GRIK1: variants seen among roughly 807,000 people sequenced by gnomAD.
GRIK1 encodes the protein glutamate receptor ionotropic, kainate 1.
A neutral mutation model predicts 105.7 loss-of-function variants in GRIK1; 69 were observed. That is an observed-to-expected ratio of 0.65 (90% CI 0.54 to 0.80). The LOEUF (loss-of-function observed/expected upper bound fraction) is 0.80. Ranked by LOEUF, GRIK1 falls within the 30% of genes least tolerant of loss-of-function variation. The probability of loss-of-function intolerance (pLI) is 0.00; values close to 1 mark genes in which losing one functional copy is unlikely to be tolerated. For synonymous variants in GRIK1, 438 were observed against 431.3 expected, an observed-to-expected ratio of 1.02 and a Z score of -0.19; for missense variants, 1,109 against 1,167.3, an observed-to-expected ratio of 0.95 and a Z score of 0.73.
intron 3 of GRIK1, among the ~76,000 whole-genome samples, chr21:29,681,373 T>A (rs1039346994): frequency 6.6e-6 from 1 of 152,142 alleles, no homozygotes; most frequent in Non-Finnish European, 1.5e-5. Flanking sequence ...AAGGCCCTCC[T>A]CTCTGACCGT....
chr21:29,834,749 A>T (rs2067735286), intron 1 of GRIK1, among the ~76,000 whole-genome samples: 1 of 151,104 alleles, frequency 6.6e-6, no homozygotes, highest in Non-Finnish European at 1.5e-5. Flanking sequence ...TTCTGGCATT[A>T]GTATTAATAT....
chr21:29,767,863 C>T (rs2065711446), intron 1 of GRIK1, among the ~76,000 whole-genome samples: 1 of 91,570 alleles, frequency 1.1e-5, no homozygotes, highest in African/African-American at 3.8e-5. Flanking sequence ...AGCTGAAATT[C>T]ATGTGTGTGT....
intron 4 of GRIK1, chr21:29,657,655 C>A (rs1237159624): frequency 6.6e-6 from 1 of 152,184 alleles, no homozygotes; most frequent in Non-Finnish European, 1.5e-5. Context: ...GGCCTGTCAA[C>A]TTTGTGGACA....
chr21:29,862,810 T>C (rs569213919), intron 1 of GRIK1, among the ~76,000 whole-genome samples: 1 of 152,340 alleles, frequency 6.6e-6, no homozygotes, highest in South Asian at 2.1e-4. Flanking sequence ...GGCAGACTAT[T>C]TATATTTATG....
intron 9 of GRIK1, among the ~76,000 whole-genome samples, chr21:29,595,378 G>C (rs1397228470): frequency 1.4e-5 from 2 of 147,330 alleles, no homozygotes; most frequent in Non-Finnish European, 3.0e-5. Flanking sequence ...GTGCCGGTTA[G>C]GTTCATCTAT....
intron 1 of GRIK1, among the ~76,000 whole-genome samples, chr21:29,831,436 C>T (rs535074736): frequency 1.2e-4 from 18 of 152,264 alleles, no homozygotes; most frequent in African/African-American, 4.1e-4. Flanking sequence ...TAAAGAACTA[C>T]CTGAGACTGG....
chr21:29,746,357 G>A (rs559441256), intron 1 of GRIK1, among the ~76,000 whole-genome samples: 1 of 152,146 alleles, frequency 6.6e-6, no homozygotes, highest in Non-Finnish European at 1.5e-5. Flanking sequence ...CACAAAGCTG[G>A]GTAAAACAGT....
intron 1 of GRIK1, among the ~76,000 whole-genome samples, chr21:29,856,905 T>G (rs1327258214): frequency 6.6e-6 from 1 of 152,104 alleles, no homozygotes; most frequent in Admixed American, 6.6e-5. Context: ...GAGGTTGGAA[T>G]AAATTTGTTA....
intron 1 of GRIK1, among the ~76,000 whole-genome samples, chr21:29,912,915 G>A (rs1018969563): frequency 1.1e-4 from 17 of 152,058 alleles, no homozygotes; most frequent in African/African-American, 3.9e-4. Flanking sequence ...AAAATAATTA[G>A]TATCAAGTTC....
intron 4 of GRIK1, among the ~76,000 whole-genome samples, chr21:29,660,103 C>A (rs935958605): frequency 2.0e-5 from 3 of 152,214 alleles, no homozygotes; most frequent in Non-Finnish European, 4.4e-5. Context: ...TGCTCATTGA[C>A]AGCAGTGATC....
At chr21:29,916,254 A>G (rs1449802021) in intron 1 of GRIK1, among the ~76,000 whole-genome samples, 1 of 151,974 alleles carries the variant, frequency 6.6e-6, no homozygotes, top group Non-Finnish European at 1.5e-5. Flanking sequence ...ATAATGTTGT[A>G]AGAATGAAAT....
chr21:29,883,230 C>CT (rs1569187053), intron 1 of GRIK1, among the ~76,000 whole-genome samples: 1 of 152,066 alleles, frequency 6.6e-6, no homozygotes, highest in African/African-American at 2.4e-5. Flanking sequence ...TTCTAGTTAT[C>CT]TAACTTTCAG....
Position 29,859,036 on chromosome 21 carries a change from A to G in GRIK1, c.118+80347T>C, listed in dbSNP as rs182210679. Among the ~76,000 whole-genome samples, 122 of 151,808 alleles carry G rather than the reference A, an allele frequency of 8.0e-4. 1 individual carries two copies. The highest frequency in any genetic ancestry group is 2.9e-3 in the African/African-American group (121 of 41,388). ...ACCATCGAATACTATGCAGCCATAA[A>G]AAATGATGAGTTCATGTCCTTTGTA... On this transcript the variant is annotated intron_variant, in intron 1 of 17. Transcript: ENST00000327783.
At chr21:29,815,444 T>C (rs1601767764) in intron 1 of GRIK1, among the ~76,000 whole-genome samples, 2 of 152,126 alleles carry the variant, frequency 1.3e-5, no homozygotes, top group Non-Finnish European at 2.9e-5. Flanking sequence ...ATGACGGCTG[T>C]TTTGATTATT....
At chr21:29,758,994 C>T (rs183930078) in intron 1 of GRIK1, 10 of 153,518 alleles carry the variant, frequency 6.5e-5, no homozygotes, top group African/African-American at 2.4e-4. Flanking sequence ...TCACTCAGCA[C>T]CAGCACTGCA....
At chr21:29,556,792 T>C (rs1008422425) in intron 15 of GRIK1, among the ~76,000 whole-genome samples, 1 of 152,096 alleles carries the variant, frequency 6.6e-6, no homozygotes, top group African/African-American at 2.4e-5. Flanking sequence ...AATAGAAGGA[T>C]TGAAAGAAAG....
intron 1 of GRIK1, among the ~76,000 whole-genome samples, chr21:29,894,030 T>C (rs577491516): frequency 2.6e-5 from 4 of 152,130 alleles, no homozygotes; most frequent in African/African-American, 7.2e-5. Flanking sequence ...TCGGTGGTTG[T>C]TTTGTACCGC....
chr21:29,832,827 G>A (rs775246138), intron 1 of GRIK1, among the ~76,000 whole-genome samples: 1 of 152,064 alleles, frequency 6.6e-6, no homozygotes, highest in African/African-American at 2.4e-5. Flanking sequence ...TCTGCAACTC[G>A]CCTGGATTCA....
At chr21:29,933,130 T>C (rs891184725) in intron 1 of GRIK1, among the ~76,000 whole-genome samples, 3 of 152,184 alleles carry the variant, frequency 2.0e-5, no homozygotes, top group Non-Finnish European at 2.9e-5. Flanking sequence ...AAGTGTTTTT[T>C]TTTATTAATT....
Sources: gnomAD v4.1 joint callset for allele counts (sites outside exome capture counted in the v4.1 genomes callset) on GRCh38, gnomAD v4.1.1 for gene constraint, MANE v1.5 for transcripts, NCBI Gene and HGNC (gene_info 2026-07-23, HGNC 2026-07-21) for gene names.